Variants in SGCZ observed in about 807,000 individuals in gnomAD.
SGCZ encodes sarcoglycan zeta, also known as zeta-sarcoglycan.
Under a neutral mutation model 41.3 loss-of-function variants are expected in SGCZ, and 40 were observed. That is an observed-to-expected ratio of 0.97 (90% CI 0.75 to 1.26). The LOEUF (loss-of-function observed/expected upper bound fraction) is 1.26, where lower values mean the gene tolerates loss of function less well. Ranked by LOEUF, SGCZ falls within the 50% of genes most tolerant of loss-of-function variation. The pLI, the probability that SGCZ is intolerant of heterozygous loss-of-function variation, is 0.00. For synonymous variants in SGCZ, 206 were observed against 137.5 expected (o/e 1.50, Z -3.49); for missense variants, 552 against 369.8 (o/e 1.49, Z -4.04).
intron 1 of SGCZ, among the ~76,000 whole-genome samples, chr8:14,803,400 G>C (rs1388875592): frequency 6.6e-6 from 1 of 152,116 alleles, no homozygotes; most frequent in African/African-American, 2.4e-5. Context: ...GCAGGGTGAG[G>C]CATTGCCTCA....
chr8:14,246,322 C>G (rs1335951351), intron 3 of SGCZ, among the ~76,000 whole-genome samples: 2 of 151,994 alleles, frequency 1.3e-5, no homozygotes, highest in Non-Finnish European at 2.9e-5. Context: ...TGGAAATCAT[C>G]ATTCTCAGTA....
chr8:14,979,076 G>C (rs1321993709), intron 1 of SGCZ, among the ~76,000 whole-genome samples: 1 of 152,130 alleles, frequency 6.6e-6, no homozygotes, highest in African/African-American at 2.4e-5. Context: ...TAGGATTATA[G>C]GTGTGAGCCA....
At chr8:14,637,926 C>T (rs1806887506) in intron 1 of SGCZ, among the ~76,000 whole-genome samples, 2 of 151,852 alleles carry the variant, frequency 1.3e-5, no homozygotes, top group Admixed American at 6.6e-5. Flanking sequence ...ATTTACATTC[C>T]TACCATCAGT....
At chr8:15,094,200 T>C (rs1269867526) in intron 1 of SGCZ, among the ~76,000 whole-genome samples, 2 of 152,086 alleles carry the variant, frequency 1.3e-5, no homozygotes, top group Non-Finnish European at 2.9e-5. Flanking sequence ...AGTGGTGTGA[T>C]CTTGGCTCAC....
intron 2 of SGCZ, among the ~76,000 whole-genome samples, chr8:14,432,900 T>C (rs62499691): frequency 0.8 from 102,924 of 128,426 alleles, 43,253 homozygotes; most frequent in Non-Finnish European, 0.92. Flanking sequence ...GGCAAAAGAG[T>C]GAGACTGTGT....
intron 2 of SGCZ, among the ~76,000 whole-genome samples, chr8:14,416,134 C>A (rs1039946819): frequency 3.3e-5 from 5 of 151,896 alleles, no homozygotes; most frequent in African/African-American, 1.2e-4. Context: ...TAGGCCAGAT[C>A]TTCCAATTAA....
intron 2 of SGCZ, among the ~76,000 whole-genome samples, chr8:14,502,679 C>T (rs372661686): frequency 2.4e-4 from 36 of 152,148 alleles, no homozygotes; most frequent in African/African-American, 7.5e-4. Flanking sequence ...GACATTTATG[C>T]GGCCAATAAA....
At chr8:14,216,939 T>A (rs557603627) in intron 4 of SGCZ, among the ~76,000 whole-genome samples, 66 of 152,282 alleles carry the variant, frequency 4.3e-4, no homozygotes, top group Non-Finnish European at 8.5e-4. Context: ...AGAACAGTTA[T>A]GTATACTGAC....
At chr8:14,991,246 C>T (rs1563416364) in intron 1 of SGCZ, among the ~76,000 whole-genome samples, 1 of 152,018 alleles carries the variant, frequency 6.6e-6, no homozygotes, top group Non-Finnish European at 1.5e-5. Flanking sequence ...TCATTCCATT[C>T]AGAAACTAAA....
chr8:14,169,613 A>C (rs932210504), intron 4 of SGCZ, among the ~76,000 whole-genome samples: 1 of 151,738 alleles, frequency 6.6e-6, no homozygotes, highest in Non-Finnish European at 1.5e-5. Flanking sequence ...CCAACAACAC[A>C]CTTCCTGTAG....
intron 2 of SGCZ, among the ~76,000 whole-genome samples, chr8:14,370,586 GT>G (rs957264887): frequency 1.3e-5 from 2 of 151,708 alleles, no homozygotes; most frequent in Non-Finnish European, 2.9e-5. Flanking sequence ...CAGCACTAGT[GT>G]TAAGTATTTT....
Position 14,237,608 on chromosome 8 carries a change from G to C in SGCZ, c.408C>G (p.Thr136=), listed in dbSNP as rs764902858. The C allele has an allele frequency of 2.5e-6, 4 of 1,613,790 alleles. No homozygotes were observed. Among genetic ancestry groups the C allele is most frequent in the Non-Finnish European group, 3.4e-6 (4 of 1,179,782 alleles). Residue 136 remains threonine, a synonymous_variant, in exon 4 of 8, where the codon ACC becomes ACG. Coordinates refer to ENST00000382080, the MANE Select transcript of SGCZ (RefSeq NM_139167.4). ...AACACTCACCTATGGTCAGCTGTCC[G>C]GTTAACTGCCCCATGTGATTTCTTG... is the stretch of plus-strand genomic sequence containing the variant. ...VNARNHMGQL[T]GQLTIGADAV...
intron 1 of SGCZ, among the ~76,000 whole-genome samples, chr8:15,113,119 G>A (rs1807132981): frequency 6.6e-6 from 1 of 151,270 alleles, no homozygotes. Flanking sequence ...TGAGGTGGGA[G>A]CAGCGCTTGA....
intron 1 of SGCZ, among the ~76,000 whole-genome samples, chr8:15,098,863 A>T (rs1806489832): frequency 6.6e-6 from 1 of 152,236 alleles, no homozygotes. Flanking sequence ...GTTCAAGACC[A>T]GCCCGGCCAA....
intron 4 of SGCZ, among the ~76,000 whole-genome samples, chr8:14,211,426 G>A (rs886675418): frequency 3.9e-5 from 6 of 152,134 alleles, no homozygotes; most frequent in African/African-American, 7.2e-5. Context: ...GACCTCAGGC[G>A]AGACATCTTA....
chr8:14,640,110 T>G (rs1472527215), intron 1 of SGCZ, among the ~76,000 whole-genome samples: 1 of 151,704 alleles, frequency 6.6e-6, no homozygotes, highest in African/African-American at 2.4e-5. Flanking sequence ...CTATATTTAC[T>G]ACTTTACATT....
At chr8:14,313,942 G>GTA (rs1801630149) in intron 3 of SGCZ, among the ~76,000 whole-genome samples, 1 of 146,504 alleles carries the variant, frequency 6.8e-6, no homozygotes, top group South Asian at 2.2e-4. Context: ...GTGTGTGTGT[G>GTA]TGTGTGTGTG....
chr8:14,218,776 A>G (rs952563535), intron 4 of SGCZ, among the ~76,000 whole-genome samples: 1 of 152,248 alleles, frequency 6.6e-6, no homozygotes, highest in African/African-American at 2.4e-5. Context: ...CACAACATCA[A>G]CAACGCATTT....
intron 1 of SGCZ, among the ~76,000 whole-genome samples, chr8:14,967,650 T>C (rs1333492635): frequency 6.6e-6 from 1 of 152,144 alleles, no homozygotes; most frequent in Non-Finnish European, 1.5e-5. Context: ...ATTTCATATC[T>C]CAGTGACACT....
Sources: gnomAD v4.1 joint callset for allele counts (sites outside exome capture counted in the v4.1 genomes callset) on GRCh38, gnomAD v4.1.1 for gene constraint, MANE v1.5 for transcripts, NCBI Gene and HGNC (gene_info 2026-07-23, HGNC 2026-07-21) for gene names.